The following ATXN1 variants were observed in gnomAD, a reference collection of about 807,000 sequenced individuals.
ATXN1 encodes ataxin-1.
In ATXN1, 8 loss-of-function variants were observed where a neutral mutation model predicts 56.4. The ratio of observed to expected loss-of-function variants is 0.14; its 90% confidence interval spans 0.08 to 0.26. ATXN1 has a LOEUF of 0.26. Ranked by LOEUF, ATXN1 falls within the 10% of genes least tolerant of loss-of-function variation. The pLI is 1.00. For synonymous variants in ATXN1, 514 were observed against 494.6 expected, an observed-to-expected ratio of 1.04 and a Z score of -0.52; for missense variants, 987 against 1,106.5, an observed-to-expected ratio of 0.89 and a Z score of 1.53.
intron 6 of ATXN1, among the ~76,000 whole-genome samples, chr6:16,416,413 T>C (rs1758909217): frequency 6.6e-6 from 1 of 152,188 alleles, no homozygotes; most frequent in Non-Finnish European, 1.5e-5. Context: ...CCTGTGGCCT[T>C]TTACAGACAA....
chr6:16,309,638 G>A (rs897995091), intron 7 of ATXN1, among the ~76,000 whole-genome samples: 1 of 152,008 alleles, frequency 6.6e-6, no homozygotes, highest in African/African-American at 2.4e-5. Context: ...GCCCCAAACA[G>A]GAAAAATAAA....
At chr6:16,548,836 T>C (rs1015698596) in intron 4 of ATXN1, among the ~76,000 whole-genome samples, 1 of 152,136 alleles carries the variant, frequency 6.6e-6, no homozygotes, top group Non-Finnish European at 1.5e-5. Context: ...GGCAGGAGAA[T>C]GGCTTGAACC....
At chr6:16,705,867 G>C (rs1263019624) in intron 2 of ATXN1, among the ~76,000 whole-genome samples, 4 of 152,042 alleles carry the variant, frequency 2.6e-5, no homozygotes, top group Non-Finnish European at 5.9e-5. Flanking sequence ...CAAATGCATA[G>C]CACTAACAGA....
At chr6:16,497,900 T>G (rs1372832647) in intron 5 of ATXN1, among the ~76,000 whole-genome samples, 1 of 152,010 alleles carries the variant, frequency 6.6e-6, no homozygotes, top group Non-Finnish European at 1.5e-5. Flanking sequence ...AAGATGAAAA[T>G]GGAATCACAA....
chr6:16,601,769 C>T (rs972392747), intron 3 of ATXN1, among the ~76,000 whole-genome samples: 3 of 152,222 alleles, frequency 2.0e-5, no homozygotes, highest in South Asian at 2.1e-4. Flanking sequence ...AGGAAAATGG[C>T]GTGAACCCAG....
intron 4 of ATXN1, among the ~76,000 whole-genome samples, chr6:16,540,281 G>A (rs777920790): frequency 6.6e-6 from 1 of 152,060 alleles, no homozygotes; most frequent in Non-Finnish European, 1.5e-5. Flanking sequence ...GCATGATCTC[G>A]GCTCAATGCA....
chr6:16,434,994 T>C (rs1222022698), intron 6 of ATXN1, among the ~76,000 whole-genome samples: 1 of 151,700 alleles, frequency 6.6e-6, no homozygotes, highest in South Asian at 2.1e-4. Flanking sequence ...AGAGAGAGAG[T>C]GCATTCGAAA....
intron 4 of ATXN1, among the ~76,000 whole-genome samples, chr6:16,583,155 G>A (rs1191210090): frequency 6.6e-6 from 1 of 152,174 alleles, no homozygotes; most frequent in Non-Finnish European, 1.5e-5. Context: ...AAGCTAACAT[G>A]TCTTAATTAG....
At chr6:16,518,729 G>GA (rs774392444) in intron 5 of ATXN1, among the ~76,000 whole-genome samples, 16 of 152,050 alleles carry the variant, frequency 1.1e-4, no homozygotes, top group Non-Finnish European at 1.8e-4. Context: ...CATCTTAATG[G>GA]AAAAATCCCT....
chr6:16,454,569 C>T (rs1161441891), intron 6 of ATXN1, among the ~76,000 whole-genome samples: 1 of 152,064 alleles, frequency 6.6e-6, no homozygotes, highest in Non-Finnish European at 1.5e-5. Context: ...CAGGAATATC[C>T]CTAATTTGTA....
At chr6:16,523,138 G>T (rs965189721) in intron 4 of ATXN1, among the ~76,000 whole-genome samples, 1 of 152,128 alleles carries the variant, frequency 6.6e-6, no homozygotes, top group Admixed American at 6.5e-5. Context: ...CTGGCCTCAA[G>T]CGCTCCTTCC....
At chr6:16,577,990 G>A (rs1243419944) in intron 4 of ATXN1, among the ~76,000 whole-genome samples, 1 of 152,146 alleles carries the variant, frequency 6.6e-6, no homozygotes, top group East Asian at 1.9e-4. Context: ...TTGCAGAACT[G>A]AGATTCAAAA....
chr6:16,680,393 G>A (rs1270638615), intron 2 of ATXN1, among the ~76,000 whole-genome samples: 1 of 152,060 alleles, frequency 6.6e-6, no homozygotes, highest in East Asian at 1.9e-4. Flanking sequence ...AATCTACAGT[G>A]TGCTGAGTTC....
rs141212712 is a variant in ATXN1 at position 16,406,589 on chromosome 6, A to G, written c.-160-78119T>C. Among the ~76,000 whole-genome samples the G allele has an allele frequency of 4.8e-3, 734 of 152,352 alleles. 6 individuals are homozygous for G. Among genetic ancestry groups the G allele is most frequent in the African/African-American group, 0.017 (698 of 41,574 alleles). On this transcript the variant is annotated intron_variant, in intron 6 of 7. Transcript: ENST00000436367. ...AAGACCTGTGCTAACATTCTTAAATATCTGCTAGCTGTAATAAAGAAATCA... is the reference window on the plus strand; with the variant it reads ...AAGACCTGTGCTAACATTCTTAAATGTCTGCTAGCTGTAATAAAGAAATCA...
intron 6 of ATXN1, 181 bp downstream of exon 6, chr6:16,485,791 T>C (rs371306976): frequency 6.6e-6 from 1 of 152,128 alleles, no homozygotes; most frequent in Non-Finnish European, 1.5e-5. Flanking sequence ...TTCCAGCAAA[T>C]ACAAACAGGA....
chr6:16,390,454 C>G (rs1758329480), intron 6 of ATXN1, among the ~76,000 whole-genome samples: 1 of 152,032 alleles, frequency 6.6e-6, no homozygotes, highest in African/African-American at 2.4e-5. Context: ...TCCATAACTG[C>G]CCATCCCTGA....
intron 6 of ATXN1, among the ~76,000 whole-genome samples, chr6:16,331,280 C>T (rs1366096313): frequency 1.3e-5 from 2 of 152,204 alleles, no homozygotes; most frequent in Non-Finnish European, 2.9e-5. Flanking sequence ...GGATTACAGG[C>T]GTGAGCCACT....
At chr6:16,502,882 C>T (rs111558083) in intron 5 of ATXN1, among the ~76,000 whole-genome samples, 66 of 152,290 alleles carry the variant, frequency 4.3e-4, no homozygotes, top group African/African-American at 1.4e-3. Context: ...AGCCCTAAAA[C>T]AATTCCCACT....
intron 4 of ATXN1, among the ~76,000 whole-genome samples, chr6:16,533,190 A>G (rs1761537435): frequency 6.6e-6 from 1 of 152,222 alleles, no homozygotes; most frequent in Admixed American, 6.5e-5. Context: ...ACACTTAAAA[A>G]TGGGAAAAAT....
Sources: gnomAD v4.1 joint callset for allele counts (sites outside exome capture counted in the v4.1 genomes callset) on GRCh38, gnomAD v4.1.1 for gene constraint, MANE v1.5 for transcripts, NCBI Gene and HGNC (gene_info 2026-07-23, HGNC 2026-07-21) for gene names.